GRM8: variants seen among roughly 807,000 people sequenced by gnomAD.
The protein encoded by GRM8 is glutamate metabotropic receptor 8.
A neutral mutation model predicts 87.2 loss-of-function variants in GRM8; 47 were observed. The observed-to-expected ratio is 0.54, with a 90% confidence interval of 0.43 to 0.69. The LOEUF (loss-of-function observed/expected upper bound fraction) is 0.69, where lower values mean the gene tolerates loss of function less well. GRM8 is among the 30% of genes least tolerant of loss of function. GRM8 has a pLI of 0.00. For synonymous variants in GRM8, 396 were observed against 404.5 expected, an observed-to-expected ratio of 0.98 and a Z score of 0.25; for missense variants, 1,019 against 1,139.2, an observed-to-expected ratio of 0.89 and a Z score of 1.52.
At chr7:126,895,781 T>A (rs1020493228) in intron 6 of GRM8, among the ~76,000 whole-genome samples, 2 of 152,032 alleles carry the variant, frequency 1.3e-5, no homozygotes, top group African/African-American at 4.8e-5. Context: ...CAAGACCCAC[T>A]AGCAAAAACT....
intron 3 of GRM8, among the ~76,000 whole-genome samples, chr7:126,960,835 T>A (rs1809239617): frequency 6.6e-6 from 1 of 152,218 alleles, no homozygotes; most frequent in Non-Finnish European, 1.5e-5. Flanking sequence ...TTCTTGCTAT[T>A]CCCACTTTCT....
At chr7:126,846,034 A>AAT (rs1169285862) in intron 6 of GRM8, among the ~76,000 whole-genome samples, 2 of 152,012 alleles carry the variant, frequency 1.3e-5, no homozygotes, top group African/African-American at 4.8e-5. Context: ...AGCAATATAA[A>AAT]ATATATATAA....
intron 9 of GRM8, among the ~76,000 whole-genome samples, chr7:126,497,696 C>G (rs1334270749): frequency 6.6e-6 from 1 of 151,928 alleles, no homozygotes; most frequent in Non-Finnish European, 1.5e-5. Flanking sequence ...TACAATCTTT[C>G]TGTAAATGGT....
chr7:126,828,383 T>C (rs1022075843), intron 6 of GRM8, among the ~76,000 whole-genome samples: 3 of 152,296 alleles, frequency 2.0e-5, no homozygotes, highest in South Asian at 4.2e-4. Flanking sequence ...ATTGCCACAA[T>C]TTCAGATCCT....
At chr7:127,059,317 A>ATTTTTTTTTTTTGCTT (rs1563463414) in intron 3 of GRM8, among the ~76,000 whole-genome samples, 1 of 140,772 alleles carries the variant, frequency 7.1e-6, no homozygotes, top group African/African-American at 2.6e-5. Context: ...GTTCATATAA[A>ATTTTTTTTTTTTGCTT]TTTTTTTTTT....
At position 126,439,160 on chromosome 7, in the gene GRM8, T is replaced by G. The variant is rs752845969; in HGVS notation, c.2686A>C (p.Thr896Pro). ...CTGTAACTGATATATGTTGTCTTGG[T>G]AGAGGAAGCTGTTAAGATAAATGAG... ...CESLETNTSSTKTTYISYSNH... is the reference protein window; with the variant it reads ...CESLETNTSSPKTTYISYSNH... Residue 896 changes from threonine (T) to proline (P), a missense_variant, in exon 11 of 11, where the codon ACC becomes CCC. Transcript: ENST00000339582. 24 of 1,545,006 alleles carry G rather than the reference T, an allele frequency of 1.6e-5. No homozygotes were observed. The highest frequency in any genetic ancestry group is 2.1e-5 in the Non-Finnish European group (24 of 1,117,332).
At chr7:126,952,017 T>TA (rs990110725) in intron 3 of GRM8, among the ~76,000 whole-genome samples, 9 of 133,736 alleles carry the variant, frequency 6.7e-5, no homozygotes, top group African/African-American at 2.2e-4. Context: ...TTCTCTGATT[T>TA]AAAAAAAAGA....
intron 9 of GRM8, among the ~76,000 whole-genome samples, chr7:126,501,810 G>A (rs974139332): frequency 3.9e-5 from 6 of 151,918 alleles, no homozygotes; most frequent in African/African-American, 1.4e-4. Context: ...AGTGTCAATG[G>A]GGTCCAGGAA....
intron 3 of GRM8, among the ~76,000 whole-genome samples, chr7:126,987,650 A>T (rs1812238969): frequency 6.6e-6 from 1 of 151,874 alleles, no homozygotes; most frequent in Non-Finnish European, 1.5e-5. Flanking sequence ...TTTTTAGTAG[A>T]GATGGGGTTT....
chr7:126,700,829 C>T (rs185097030), intron 7 of GRM8, among the ~76,000 whole-genome samples: 1 of 152,112 alleles, frequency 6.6e-6, no homozygotes, highest in African/African-American at 2.4e-5. Flanking sequence ...TCTGAAACAA[C>T]AGAGGACATA....
intron 6 of GRM8, among the ~76,000 whole-genome samples, chr7:126,815,319 A>C (rs1426462593): frequency 6.6e-6 from 1 of 152,100 alleles, no homozygotes; most frequent in Non-Finnish European, 1.5e-5. Flanking sequence ...GCCACCTTTG[A>C]AGCATTCTAT....
chr7:127,205,569 G>T (rs2116591172), intron 2 of GRM8, among the ~76,000 whole-genome samples: 1 of 152,236 alleles, frequency 6.6e-6, no homozygotes, highest in Non-Finnish European at 1.5e-5. Context: ...CCAGGTCACT[G>T]ACATAAGAGT....
At chr7:126,618,233 A>C (rs1320961859) in intron 7 of GRM8, among the ~76,000 whole-genome samples, 15 of 149,152 alleles carry the variant, frequency 1.0e-4, no homozygotes, top group South Asian at 6.5e-4. Flanking sequence ...CACATCTACA[A>C]CCATCTGATC....
intron 7 of GRM8, among the ~76,000 whole-genome samples, chr7:126,726,849 A>G (rs1018835388): frequency 2.0e-5 from 3 of 151,990 alleles, no homozygotes; most frequent in Non-Finnish European, 4.4e-5. Flanking sequence ...AAGATAGGCC[A>G]CCCAAGATTT....
At chr7:126,546,284 CAG>C (rs1252400135) in intron 8 of GRM8, among the ~76,000 whole-genome samples, 1 of 152,132 alleles carries the variant, frequency 6.6e-6, no homozygotes, top group African/African-American at 2.4e-5. Flanking sequence ...TCACATCACA[CAG>C]CTATTAAATG....
intron 2 of GRM8, among the ~76,000 whole-genome samples, chr7:127,226,101 A>G (rs1005625618): frequency 3.3e-5 from 5 of 152,220 alleles, no homozygotes; most frequent in Non-Finnish European, 5.9e-5. Flanking sequence ...TGGCACTGGT[A>G]ACTTTAAATA....
intron 8 of GRM8, among the ~76,000 whole-genome samples, chr7:126,552,267 A>T (rs1311128706): frequency 6.6e-6 from 1 of 152,090 alleles, no homozygotes; most frequent in Non-Finnish European, 1.5e-5. Context: ...CTCCTCTATT[A>T]GTTTTAACTA....
intron 2 of GRM8, among the ~76,000 whole-genome samples, chr7:127,151,479 C>T (rs1364613858): frequency 6.6e-6 from 1 of 152,080 alleles, no homozygotes; most frequent in African/African-American, 2.4e-5. Flanking sequence ...ACCCCAAAAC[C>T]CAATTATGGA....
intron 3 of GRM8, among the ~76,000 whole-genome samples, chr7:126,925,354 T>A (rs1174646126): frequency 6.6e-6 from 1 of 152,214 alleles, no homozygotes; most frequent in Non-Finnish European, 1.5e-5. Context: ...TTGCTGCACA[T>A]GTGTTCTATT....
Sources: allele counts gnomAD v4.1 joint callset (sites outside exome capture counted in the v4.1 genomes callset), GRCh38; gene constraint gnomAD v4.1.1; transcripts MANE v1.5; gene names NCBI Gene and HGNC (gene_info 2026-07-23, HGNC 2026-07-21).